The following ST6GALNAC3 variants were observed in gnomAD, a reference collection of about 807,000 sequenced individuals.
The protein encoded by ST6GALNAC3 is alpha-N-acetylgalactosaminide alpha-2,6-sialyltransferase 3.
A neutral mutation model predicts 32.7 loss-of-function variants in ST6GALNAC3; 25 were observed. The observed-to-expected ratio is 0.76, with a 90% CI of 0.56 to 1.07. The LOEUF (loss-of-function observed/expected upper bound fraction) is 1.07, where lower values mean the gene tolerates loss of function less well. Ranked by LOEUF, ST6GALNAC3 falls within the 50% of genes least tolerant of loss-of-function variation. ST6GALNAC3 has a pLI of 0.00. For synonymous variants in ST6GALNAC3, 129 were observed against 133.1 expected, an observed-to-expected ratio of 0.97 and a Z score of 0.21; for missense variants, 355 against 382.4, an observed-to-expected ratio of 0.93 and a Z score of 0.60.
chr1:76,371,830 G>T (rs1193966700), intron 2 of ST6GALNAC3, among the ~76,000 whole-genome samples: 2 of 152,094 alleles, frequency 1.3e-5, no homozygotes, highest in African/African-American at 4.8e-5. Context: ...TCAGTTTCGT[G>T]GTGGTAATTA....
At chr1:76,615,637 G>A (rs558874690) in intron 3 of ST6GALNAC3, among the ~76,000 whole-genome samples, 1 of 152,276 alleles carries the variant, frequency 6.6e-6, no homozygotes, top group East Asian at 1.9e-4. Flanking sequence ...GACATTCTGT[G>A]ACTGTTACAA....
intron 1 of ST6GALNAC3, among the ~76,000 whole-genome samples, chr1:76,213,213 A>G (rs1484189726): frequency 6.6e-6 from 1 of 152,092 alleles, no homozygotes; most frequent in Non-Finnish European, 1.5e-5. Context: ...TAGGAATGAC[A>G]TGTGGTACTT....
chr1:76,208,841 G>C (rs1654979407), intron 1 of ST6GALNAC3, among the ~76,000 whole-genome samples: 1 of 151,976 alleles, frequency 6.6e-6, no homozygotes, highest in Non-Finnish European at 1.5e-5. Context: ...GGATTCTAGG[G>C]GTATTTTTTT....
intron 3 of ST6GALNAC3, among the ~76,000 whole-genome samples, chr1:76,492,679 A>G (rs1046842094): frequency 1.3e-5 from 2 of 152,172 alleles, no homozygotes; most frequent in East Asian, 1.9e-4. Context: ...ATAGGACAGC[A>G]TACGTACAAG....
At chr1:76,127,057 G>C (rs1167300589) in intron 1 of ST6GALNAC3, among the ~76,000 whole-genome samples, 3 of 152,206 alleles carry the variant, frequency 2.0e-5, no homozygotes, top group Admixed American at 6.5e-5. Flanking sequence ...CTTTTAAAAG[G>C]GAAGTTTTGA....
At chr1:76,294,401 G>T (rs1401432107) in intron 1 of ST6GALNAC3, among the ~76,000 whole-genome samples, 1 of 151,822 alleles carries the variant, frequency 6.6e-6, no homozygotes, top group African/African-American at 2.4e-5. Flanking sequence ...TATCAGAATT[G>T]TTTGTAGGGA....
At chr1:76,106,704 C>T (rs1025396622) in intron 1 of ST6GALNAC3, among the ~76,000 whole-genome samples, 2 of 152,102 alleles carry the variant, frequency 1.3e-5, no homozygotes, top group African/African-American at 4.8e-5. Context: ...ACATGAGGGA[C>T]ATTAAGTTTT....
chr1:76,279,664 G>C (rs1023005102), intron 1 of ST6GALNAC3, among the ~76,000 whole-genome samples: 2 of 152,202 alleles, frequency 1.3e-5, no homozygotes, highest in Admixed American at 6.5e-5. Flanking sequence ...GCAGCTGCCG[G>C]AGGCGGAAGT....
In ST6GALNAC3 at chr1:76,077,930, T is replaced by A. The variant is rs1170210186; in HGVS notation, c.18+3046T>A. Among the ~76,000 whole-genome samples the A allele has an allele frequency of 4.6e-5, 7 of 152,250 alleles. No individual in the cohort carries two copies. The East Asian group carries it at 1.4e-3, about 29-fold the overall frequency. On this transcript the variant is annotated intron_variant, in intron 1 of 4. Coordinates refer to ENST00000328299, the MANE Select transcript of ST6GALNAC3 (RefSeq NM_152996.4). ...GACCCCATTCTCAAATGGCTTATGGTTTAGTAAGGATGATAGAAAAGTAAA... is the reference window on the plus strand; with the variant it reads ...GACCCCATTCTCAAATGGCTTATGGATTAGTAAGGATGATAGAAAAGTAAA...
intron 3 of ST6GALNAC3, among the ~76,000 whole-genome samples, chr1:76,549,188 C>T (rs1270587556): frequency 6.6e-6 from 1 of 152,130 alleles, no homozygotes; most frequent in African/African-American, 2.4e-5. Flanking sequence ...ATCAAATTTA[C>T]AGATTTTGCC....
Position 76,493,021 on chromosome 1 carries a change from T to A in ST6GALNAC3, c.623+80604T>A, listed in dbSNP as rs553439619. 1.2e-3 allele frequency among the ~76,000 whole-genome samples: 178 copies of A among 151,774 alleles called. 1 individual carries two copies. The highest frequency in any genetic ancestry group is 2.2e-3 in the Admixed American group (34 of 15,264). On this transcript the variant is annotated intron_variant, in intron 3 of 4. Coordinates refer to ENST00000328299, the MANE Select transcript of ST6GALNAC3 (RefSeq NM_152996.4). ...AAGAGGAAGGACATGAAACAAAGAG[T>A]TGACACCTTCTTTTTTTTTTTTTCT...
chr1:76,347,394 T>A (rs1469415507), intron 2 of ST6GALNAC3, among the ~76,000 whole-genome samples: 1 of 152,152 alleles, frequency 6.6e-6, no homozygotes. Context: ...TATCTCAGTT[T>A]CTTGCATTCT....
rs1202138192 is a variant in ST6GALNAC3 at position 76,630,561 on chromosome 1, T to C, written c.*1755T>C. ...CAAAAGCCAGGCTCAACTTATAGAA[T>C]GTTTTGGAAACTGGAAGTAATGATA... is the stretch of plus-strand genomic sequence containing the variant. On this transcript the variant is annotated 3_prime_UTR_variant, in exon 5 of 5. Transcript: ENST00000328299. 1.0e-6 allele frequency: 1 copy of C among 985,298 alleles called. No individual in the cohort carries two copies. Among genetic ancestry groups the C allele is most frequent in the African/African-American group, 1.7e-5 (1 of 57,190 alleles). 61.0% of individuals were successfully genotyped at this position (985,298 alleles called of 1,614,324 possible). A position where few individuals can be genotyped will look rare whatever the true frequency, so the allele number is the denominator to read the frequency against.
intron 1 of ST6GALNAC3, among the ~76,000 whole-genome samples, chr1:76,185,037 T>TCGCA (rs532117734): frequency 1.6e-3 from 241 of 152,284 alleles, no homozygotes; most frequent in Middle Eastern, 3.4e-3. Flanking sequence ...TTTTTAATCC[T>TCGCA]CGCACAACCC....
In ST6GALNAC3 at chr1:76,634,109, A is replaced by AC; in HGVS notation, c.*5305dup. On this transcript the variant is annotated 3_prime_UTR_variant, in exon 5 of 5. Coordinates refer to ENST00000328299, the MANE Select transcript of ST6GALNAC3 (RefSeq NM_152996.4). Reference sequence around the variant, plus strand: ...ATAGGCACTTTTTTTTGAGTAGAAAACCTCTTCTTTCTCCACAGATACATC... The same window carrying AC: ...ATAGGCACTTTTTTTTGAGTAGAAAACCCTCTTCTTTCTCCACAGATACATC... 1 of 980,578 alleles carries AC rather than the reference A, an allele frequency of 1.0e-6. No homozygotes were observed. Among genetic ancestry groups the AC allele is most frequent in the African/African-American group, 1.8e-5 (1 of 57,094 alleles). The allele number at this position is 980,578 out of a possible 1,614,324, so 60.7% of individuals were successfully genotyped here. A position where few individuals can be genotyped will look rare whatever the true frequency, so the allele number is the denominator to read the frequency against.
chr1:76,440,940 T>C (rs987838225), intron 3 of ST6GALNAC3, among the ~76,000 whole-genome samples: 3 of 151,864 alleles, frequency 2.0e-5, no homozygotes, highest in East Asian at 3.9e-4. Context: ...ATACAAAAAT[T>C]AGCTGGGCAT....
intron 2 of ST6GALNAC3, among the ~76,000 whole-genome samples, chr1:76,333,297 G>T (rs1227031637): frequency 6.6e-6 from 1 of 152,090 alleles, no homozygotes; most frequent in African/African-American, 2.4e-5. Flanking sequence ...TTCAAAGGAA[G>T]ATTTAAGCTC....
intron 3 of ST6GALNAC3, among the ~76,000 whole-genome samples, chr1:76,470,158 T>A (rs1395905536): frequency 1.3e-5 from 2 of 152,120 alleles, no homozygotes; most frequent in African/African-American, 4.8e-5. Context: ...AATTTTTTTT[T>A]AATTTTTCCT....
rs564137180 is a variant in ST6GALNAC3 at position 76,086,156 on chromosome 1, A to AC, written c.18+11278dup. On this transcript the variant is annotated intron_variant, in intron 1 of 4. Transcript: ENST00000328299. ...TATCAAATCCTTTCTCACACTTTGG[A>AC]CCCCCCACTTCTTTGCTGGCTAACA... is the stretch of plus-strand genomic sequence containing the variant. Among the ~76,000 whole-genome samples the AC allele has an allele frequency of 3.1e-4, 47 of 152,134 alleles. 1 individual carries two copies. Among genetic ancestry groups the AC allele is most frequent in the Admixed American group, 7.2e-4 (11 of 15,276 alleles).
Sources: gnomAD v4.1 joint callset for allele counts (sites outside exome capture counted in the v4.1 genomes callset) on GRCh38, gnomAD v4.1.1 for gene constraint, MANE v1.5 for transcripts, NCBI Gene and HGNC (gene_info 2026-07-23, HGNC 2026-07-21) for gene names.